The following SYT14 variants were observed in gnomAD, a reference collection of about 807,000 sequenced individuals.
The protein encoded by SYT14 is synaptotagmin-14.
SYT14 carries 32 observed loss-of-function variants against 74.2 expected under a neutral mutation model. The ratio of observed to expected loss-of-function variants is 0.43; its 90% CI spans 0.33 to 0.58. SYT14 has a LOEUF of 0.58. Ranked by LOEUF, SYT14 falls within the 20% of genes least tolerant of loss-of-function variation. The pLI is 0.05. For synonymous variants in SYT14, 298 were observed against 337.7 expected, an observed-to-expected ratio of 0.88 and a Z score of 1.29; for missense variants, 791 against 981.8, an observed-to-expected ratio of 0.81 and a Z score of 2.60.
chr1:210,034,624 G>A (rs1234460242), intron 5 of SYT14, among the ~76,000 whole-genome samples: 3 of 151,492 alleles, frequency 2.0e-5, no homozygotes, highest in African/African-American at 7.3e-5. Context: ...TTCAGTTTCT[G>A]TTATTCCACT....
At position 209,949,945 on chromosome 1, in the gene SYT14, A is replaced by G. The variant is rs2078885832; in HGVS notation, c.-533-2764A>G. Among the ~76,000 whole-genome samples the G allele has an allele frequency of 2.0e-5, 3 of 152,206 alleles. No individual in the cohort carries two copies. In the South Asian group the frequency reaches 6.2e-4, roughly 32 times the overall value. ...AAAATTTAAGAGGTTCTTTTATATA[A>G]TATAGATAAATTGAATGCTTTTAAA... is the stretch of plus-strand genomic sequence containing the variant. On this transcript the variant is annotated intron_variant, in intron 1 of 9. Coordinates refer to ENST00000637265, the Ensembl canonical transcript of SYT14.
At chr1:209,943,580 CATATACTGGCTTAATTTATACA>C (rs1412114613) in intron 1 of SYT14, among the ~76,000 whole-genome samples, 1 of 147,638 alleles carries the variant, frequency 6.8e-6, no homozygotes, top group Non-Finnish European at 1.5e-5. Context: ...CAGAGAGAAC[CATATACTGGCTTAATTTATACA>C]ATTTGTTATT....
intron 5 of SYT14, among the ~76,000 whole-genome samples, chr1:210,080,059 A>C (rs530058538): frequency 1.4e-4 from 22 of 152,280 alleles, no homozygotes; most frequent in Admixed American, 9.2e-4. Flanking sequence ...AGATTTATCT[A>C]GTTTGGTTTT....
chr1:210,104,629 C>T (rs2082126713), intron 7 of SYT14, among the ~76,000 whole-genome samples: 1 of 152,172 alleles, frequency 6.6e-6, no homozygotes, highest in African/African-American at 2.4e-5. Flanking sequence ...TACTCTCTAA[C>T]AGTTGCATAA....
intron 5 of SYT14, among the ~76,000 whole-genome samples, chr1:210,062,521 C>T (rs962492622): frequency 6.6e-6 from 1 of 151,796 alleles, no homozygotes; most frequent in Non-Finnish European, 1.5e-5. Flanking sequence ...CTGTTTCTAA[C>T]ATATTTTTCA....
Position 210,108,662 on chromosome 1 carries a change from A to G in SYT14, c.2034+8201A>G, listed in dbSNP as rs2082203298. Among the ~76,000 whole-genome samples the G allele has an allele frequency of 2.0e-5, 3 of 152,170 alleles. No homozygotes were observed. The South Asian group carries it at 6.2e-4, about 32-fold the overall frequency. ...AAAGGACAAATAACTGAAGAGAGCC[A>G]TTAATCAATGTGTTTGGGATATAAA... On this transcript the variant is annotated intron_variant, in intron 7 of 9. Transcript: ENST00000637265.
intron 7 of SYT14, among the ~76,000 whole-genome samples, chr1:210,147,671 A>G (rs1365019045): frequency 6.6e-6 from 1 of 152,240 alleles, no homozygotes; most frequent in African/African-American, 2.4e-5. Flanking sequence ...AATTCTAGGT[A>G]AAGAAGAGAG....
intron 7 of SYT14, among the ~76,000 whole-genome samples, chr1:210,139,448 TG>T (rs1214886468): frequency 6.6e-6 from 1 of 152,052 alleles, no homozygotes; most frequent in Non-Finnish European, 1.5e-5. Context: ...TTTCTAAGAT[TG>T]TATTATTCTG....
At chr1:210,019,131 CAA>C (rs1215149823) in intron 4 of SYT14, among the ~76,000 whole-genome samples, 3 of 56,664 alleles carry the variant, frequency 5.3e-5, no homozygotes, top group African/African-American at 6.9e-5. Flanking sequence ...TGAGACTCCT[CAA>C]AAAAAAAAAA....
At chr1:210,098,111 G>A (rs1392610838) in intron 6 of SYT14, among the ~76,000 whole-genome samples, 4 of 151,836 alleles carry the variant, frequency 2.6e-5, no homozygotes, top group African/African-American at 9.7e-5. Flanking sequence ...GGAGGCCAAG[G>A]CTGCAGTGAG....
At chr1:209,951,749 A>T (rs1572057816) in intron 1 of SYT14, among the ~76,000 whole-genome samples, 1 of 152,232 alleles carries the variant, frequency 6.6e-6, no homozygotes, top group African/African-American at 2.4e-5. Context: ...ATATGTATGC[A>T]TGAATATATG....
At chr1:210,141,373 A>G (rs1572369815) in intron 7 of SYT14, among the ~76,000 whole-genome samples, 1 of 152,190 alleles carries the variant, frequency 6.6e-6, no homozygotes, top group South Asian at 2.1e-4. Context: ...TGATTTTCAT[A>G]TATTGATCAC....
At chr1:210,151,876 C>T (rs955009596) in intron 7 of SYT14, among the ~76,000 whole-genome samples, 1 of 152,234 alleles carries the variant, frequency 6.6e-6, no homozygotes, top group East Asian at 1.9e-4. Flanking sequence ...GCCTTTCCAT[C>T]GCTTTCTTTG....
chr1:210,020,688 T>C (rs1211823047), intron 4 of SYT14, among the ~76,000 whole-genome samples: 2 of 152,200 alleles, frequency 1.3e-5, no homozygotes, highest in Non-Finnish European at 2.9e-5. Context: ...AAAATGTAAA[T>C]TGGTATTATA....
intron 7 of SYT14, among the ~76,000 whole-genome samples, chr1:210,130,932 C>T (rs1419025750): frequency 6.6e-6 from 1 of 152,046 alleles, no homozygotes; most frequent in Non-Finnish European, 1.5e-5. Context: ...GTAACTTATT[C>T]ATAACATTTG....
chr1:210,086,604 T>G (rs891672691), intron 5 of SYT14, among the ~76,000 whole-genome samples: 1 of 152,194 alleles, frequency 6.6e-6, no homozygotes, highest in African/African-American at 2.4e-5. Context: ...CATTTCTTTA[T>G]AAAGAATCCT....
At chr1:210,066,033 A>G (rs1208083827) in intron 5 of SYT14, among the ~76,000 whole-genome samples, 3 of 151,914 alleles carry the variant, frequency 2.0e-5, no homozygotes, top group Admixed American at 6.6e-5. Context: ...AGCTTCATCC[A>G]TGTCCCTACA....
At chr1:210,011,476 C>T (rs2080084871) in intron 2 of SYT14, among the ~76,000 whole-genome samples, 1 of 152,206 alleles carries the variant, frequency 6.6e-6, no homozygotes, top group Non-Finnish European at 1.5e-5. Flanking sequence ...CCAGCTAGCA[C>T]TCCTACCGTT....
chr1:210,013,536 A>C, intron 2 of SYT14, 97 bp from the exon 3 acceptor site: 1 of 1,187,984 alleles, frequency 8.4e-7, no homozygotes, highest in Non-Finnish European at 1.2e-6. Flanking sequence ...ATATAATTCA[A>C]ATAAGGTAGT....
Sources: gnomAD v4.1 joint callset for allele counts (sites outside exome capture counted in the v4.1 genomes callset) on GRCh38, gnomAD v4.1.1 for gene constraint, MANE v1.5 for transcripts, NCBI Gene and HGNC (gene_info 2026-07-23, HGNC 2026-07-21) for gene names.